Variants in RANBP17 observed in about 807,000 individuals in gnomAD.
RANBP17 encodes ran-binding protein 17.
In RANBP17, 158 loss-of-function variants were observed where a neutral mutation model predicts 141.2. The observed-to-expected ratio is 1.12, with a 90% CI of 0.98 to 1.28. The LOEUF (loss-of-function observed/expected upper bound fraction) is 1.28. Ranked by LOEUF, RANBP17 falls within the 50% of genes most tolerant of loss-of-function variation. The pLI, the probability that RANBP17 is intolerant of heterozygous loss-of-function variation, is 0.00. For missense variants in RANBP17, 1,438 were observed against 1,290.7 expected (o/e 1.11, Z -1.75); for synonymous variants, 430 against 450.0 (o/e 0.96, Z 0.56).
chr5:171,134,509 G>T (rs1035481673), intron 14 of RANBP17, among the ~76,000 whole-genome samples: 2 of 152,192 alleles, frequency 1.3e-5, no homozygotes, highest in African/African-American at 4.8e-5. Context: ...GGCATTATCA[G>T]TTAAGTAAGG....
chr5:170,936,222 T>C (rs1474171793), intron 12 of RANBP17, among the ~76,000 whole-genome samples: 1 of 152,280 alleles, frequency 6.6e-6, no homozygotes, highest in Non-Finnish European at 1.5e-5. Flanking sequence ...GAAAGGGAAT[T>C]CCTGGACCTC....
At chr5:170,973,506 A>T (rs920189472) in intron 14 of RANBP17, among the ~76,000 whole-genome samples, 2 of 152,230 alleles carry the variant, frequency 1.3e-5, no homozygotes, top group Admixed American at 6.5e-5. Flanking sequence ...AGACAAAGTA[A>T]TAAAGAAAAG....
At chr5:171,154,687 A>G (rs2127840923) in intron 14 of RANBP17, among the ~76,000 whole-genome samples, 1 of 152,318 alleles carries the variant, frequency 6.6e-6, no homozygotes, top group East Asian at 1.9e-4. Context: ...CAGCTAAGAA[A>G]CAGCATTGTC....
At chr5:171,158,288 A>G (rs1174125223) in intron 14 of RANBP17, 1 of 178,786 alleles carries the variant, frequency 5.6e-6, no homozygotes, top group African/African-American at 2.4e-5. Context: ...GTCTTGAAAT[A>G]TAAAAGCACA....
At chr5:171,063,376 A>G (rs1784050598) in intron 14 of RANBP17, among the ~76,000 whole-genome samples, 1 of 152,156 alleles carries the variant, frequency 6.6e-6, no homozygotes, top group Non-Finnish European at 1.5e-5. Context: ...TTTCCTTCTA[A>G]CAGACAGGAC....
intron 25 of RANBP17, among the ~76,000 whole-genome samples, chr5:171,293,650 CT>C (rs1204223019): frequency 6.6e-6 from 1 of 152,198 alleles, no homozygotes; most frequent in Non-Finnish European, 1.5e-5. Flanking sequence ...CTGGAATGTT[CT>C]CACCAAGGCT....
At chr5:170,866,592 G>T (rs181834820) in intron 1 of RANBP17, among the ~76,000 whole-genome samples, 1 of 151,740 alleles carries the variant, frequency 6.6e-6, no homozygotes, top group African/African-American at 2.4e-5. Context: ...GAAGAATGGC[G>T]TTAACCCGGG....
At chr5:170,989,399 A>T (rs1778357598) in intron 14 of RANBP17, among the ~76,000 whole-genome samples, 1 of 151,764 alleles carries the variant, frequency 6.6e-6, no homozygotes, top group Non-Finnish European at 1.5e-5. Context: ...TGTAATCGAA[A>T]TATTGCGAAA....
intron 14 of RANBP17, among the ~76,000 whole-genome samples, chr5:170,971,955 G>A (rs1777020050): frequency 6.6e-6 from 1 of 152,094 alleles, no homozygotes; most frequent in South Asian, 2.1e-4. Flanking sequence ...AAGTCTTAAT[G>A]CTTTGCTATA....
At chr5:170,916,761 G>C (rs1314629450) in intron 9 of RANBP17, among the ~76,000 whole-genome samples, 177 bp downstream of exon 9, 2 of 149,834 alleles carry the variant, frequency 1.3e-5, no homozygotes, top group African/African-American at 4.9e-5. Flanking sequence ...TGTTGCCCAG[G>C]CTGGAGTGCA....
At chr5:170,956,482 A>G (rs977067786) in intron 13 of RANBP17, among the ~76,000 whole-genome samples, 1 of 151,978 alleles carries the variant, frequency 6.6e-6, no homozygotes, top group African/African-American at 2.4e-5. Flanking sequence ...ATCAAATTGA[A>G]TTACTTGAAA....
At position 171,289,968 on chromosome 5, in the gene RANBP17, T is replaced by A. The variant is rs371686489; in HGVS notation, c.2944-3915T>A. 5.8e-3 allele frequency among the ~76,000 whole-genome samples: 880 copies of A among 151,898 alleles called. 10 individuals carry two copies. The highest frequency in any genetic ancestry group is 0.016 in the African/African-American group (658 of 41,422). ...TCACTTGAGCCCAGGAGGCAGAGGT[T>A]GTAGTGAGCTGAGAGCGTACCACTG... is the stretch of plus-strand genomic sequence containing the variant. On this transcript the variant is annotated intron_variant, in intron 25 of 27. Coordinates refer to ENST00000523189, the MANE Select transcript of RANBP17 (RefSeq NM_022897.5).
intron 14 of RANBP17, among the ~76,000 whole-genome samples, chr5:171,137,612 G>T (rs865894013): frequency 2.8e-5 from 4 of 142,534 alleles, no homozygotes; most frequent in Non-Finnish European, 6.3e-5. Context: ...GTGTCTGTGT[G>T]TGTGTGTGTG....
At position 170,991,557 on chromosome 5, in the gene RANBP17, C is replaced by G. The variant is rs181624625; in HGVS notation, c.1710+23180C>G. The stretch of plus-strand genomic sequence containing the variant: ...CCAGTTAAGAAAGGGTTCATCTGTT[C>G]AGAATAAAGATGCGGGAAGCAGCTT... On this transcript the variant is annotated intron_variant, in intron 14 of 27. Transcript: ENST00000523189. Among the ~76,000 whole-genome samples, 366 of 152,014 alleles carry G rather than the reference C, an allele frequency of 2.4e-3. 2 individuals carry two copies. Among genetic ancestry groups the G allele is most frequent in the Admixed American group, 5.1e-3 (77 of 15,236 alleles).
intron 22 of RANBP17, among the ~76,000 whole-genome samples, chr5:171,233,632 A>C (rs542912540): frequency 2.0e-4 from 31 of 152,338 alleles, no homozygotes; most frequent in Middle Eastern, 3.4e-3. Context: ...GAGTGAAAGA[A>C]GCCAATCTGA....
chr5:171,297,130 C>T (rs1021062317), intron 27 of RANBP17, among the ~76,000 whole-genome samples: 1 of 152,120 alleles, frequency 6.6e-6, no homozygotes, highest in East Asian at 1.9e-4. Flanking sequence ...TCTCCCTCTG[C>T]CTGTTCTTTA....
intron 13 of RANBP17, among the ~76,000 whole-genome samples, chr5:170,956,617 A>C (rs1011817778): frequency 1.3e-5 from 2 of 151,784 alleles, no homozygotes; most frequent in East Asian, 3.9e-4. Flanking sequence ...CGCCTGGCTA[A>C]TTTTGTATTT....
chr5:171,008,476 A>G (rs964972938), intron 14 of RANBP17, among the ~76,000 whole-genome samples: 9 of 152,142 alleles, frequency 5.9e-5, no homozygotes, highest in African/African-American at 1.9e-4. Flanking sequence ...AAGACTGTTT[A>G]TTTCACCTGG....
chr5:170,929,533 G>A (rs911156693), intron 12 of RANBP17, among the ~76,000 whole-genome samples: 1 of 151,886 alleles, frequency 6.6e-6, no homozygotes, highest in Non-Finnish European at 1.5e-5. Flanking sequence ...TTGATTTTTC[G>A]ATGTTAAACC....
Sources: allele counts gnomAD v4.1 joint callset (sites outside exome capture counted in the v4.1 genomes callset), GRCh38; gene constraint gnomAD v4.1.1; transcripts MANE v1.5; gene names NCBI Gene and HGNC (gene_info 2026-07-23, HGNC 2026-07-21).